Variants in LHX4 observed in about 807,000 individuals in gnomAD.
The protein encoded by LHX4 is LIM homeobox 4.
A neutral mutation model predicts 39.2 loss-of-function variants in LHX4; 16 were observed. The ratio of observed to expected loss-of-function variants is 0.41; its 90% CI spans 0.28 to 0.62. LHX4 has a LOEUF of 0.62. LHX4 is among the 20% of genes least tolerant of loss of function. LHX4 has a pLI of 0.33. For missense variants in LHX4, 439 were observed against 511.9 expected, an observed-to-expected ratio of 0.86 and a Z score of 1.37; for synonymous variants, 206 against 198.1, an observed-to-expected ratio of 1.04 and a Z score of -0.33.
At chr1:180,260,864 C>A (rs116971488) in intron 2 of LHX4, among the ~76,000 whole-genome samples, 1 of 151,940 alleles carries the variant, frequency 6.6e-6, no homozygotes, top group East Asian at 1.9e-4. Flanking sequence ...GTCAGAAGCA[C>A]CGACTGCAAA....
intron 2 of LHX4, among the ~76,000 whole-genome samples, chr1:180,256,721 CA>C (rs1395475189): frequency 6.6e-6 from 1 of 152,178 alleles, no homozygotes; most frequent in Non-Finnish European, 1.5e-5. Flanking sequence ...AAGTGGGAGT[CA>C]GGGGTGGCTT....
At chr1:180,249,111 C>G (rs867918656) in intron 2 of LHX4, among the ~76,000 whole-genome samples, 2 of 152,346 alleles carry the variant, frequency 1.3e-5, no homozygotes, top group Middle Eastern at 6.8e-3. Flanking sequence ...TTCTCTATGC[C>G]TCAGTTTGTT....
chr1:180,247,252 G>A (rs1387256921), intron 1 of LHX4, among the ~76,000 whole-genome samples: 1 of 152,200 alleles, frequency 6.6e-6, no homozygotes, highest in East Asian at 1.9e-4. Context: ...CAGATAGGAA[G>A]TCACCCAGGA....
At chr1:180,242,009 G>T (rs1187602829) in intron 1 of LHX4, among the ~76,000 whole-genome samples, 3 of 151,802 alleles carry the variant, frequency 2.0e-5, no homozygotes, top group Non-Finnish European at 4.4e-5. Flanking sequence ...TAGAGACAGG[G>T]TCTCACTATG....
In LHX4 at chr1:180,234,811, C is replaced by T. The variant is rs1266468534; in HGVS notation, c.76+4206C>T. On this transcript the variant is annotated intron_variant, in intron 1 of 5. Coordinates refer to ENST00000263726, the MANE Select transcript of LHX4 (RefSeq NM_033343.4). The surrounding 1 kb of genome is among the most constrained non-coding windows in gnomAD (Gnocchi z 4.8). ...GGGCTCGTGGAAAACCAGAGCTAGG[C>T]GGGGCTACGCAGGGCTGAGCAGGAG... Among the ~76,000 whole-genome samples, 1 of 152,192 alleles carries T rather than the reference C, an allele frequency of 6.6e-6. No individual in the cohort carries two copies. The highest frequency in any genetic ancestry group is 6.5e-5 in the Admixed American group (1 of 15,284).
At chr1:180,231,477 T>A (rs1172237908) in intron 1 of LHX4, among the ~76,000 whole-genome samples, 2 of 149,464 alleles carry the variant, frequency 1.3e-5, no homozygotes, top group African/African-American at 4.9e-5. Context: ...CCGAAGGGAA[T>A]CCGTCTCTGT....
intron 5 of LHX4, chr1:180,273,136 T>G (rs1254417801): frequency 6.6e-6 from 1 of 152,078 alleles, no homozygotes; most frequent in East Asian, 1.9e-4. Flanking sequence ...GAGGCCTTAT[T>G]TAGGGATTGG....
chr1:180,240,379 C>G (rs186035440), intron 1 of LHX4, among the ~76,000 whole-genome samples: 11 of 152,248 alleles, frequency 7.2e-5, no homozygotes, highest in Admixed American at 3.9e-4. Flanking sequence ...TTAAGTAGCA[C>G]ATCAGCATTA....
chr1:180,251,355 C>T (rs1647621205), intron 2 of LHX4, among the ~76,000 whole-genome samples: 1 of 152,228 alleles, frequency 6.6e-6, no homozygotes, highest in African/African-American at 2.4e-5. Flanking sequence ...GCCCACCCTC[C>T]AGGGCTTCCA....
chr1:180,259,267 C>G (rs1647999209), intron 2 of LHX4, among the ~76,000 whole-genome samples: 1 of 151,964 alleles, frequency 6.6e-6, no homozygotes, highest in South Asian at 2.1e-4. Flanking sequence ...TAGGGCACTG[C>G]CTTGAAGGGT....
upstream of LHX4, among the ~76,000 whole-genome samples, chr1:180,228,959 G>A (rs1227857385): frequency 2.0e-5 from 3 of 152,218 alleles, no homozygotes; most frequent in South Asian, 6.2e-4. Flanking sequence ...GCTGGGGGCA[G>A]GAGAGCGGCT....
In LHX4 at chr1:180,274,179, CCA is replaced by C. The variant is rs775729994; in HGVS notation, c.779-3_779-2del. On this transcript the variant is annotated splice_region_variant and splice_polypyrimidine_tract_variant and intron_variant, in intron 5 of 5. Transcript: ENST00000263726. ...TGACAATAAATCTCCGTTCTTTTGT[CCA>C]CAGAGGATCAAATTCTCTCAGAACT... 1.9e-6 allele frequency: 3 copies of C among 1,614,174 alleles called. No homozygotes were observed. The highest frequency in any genetic ancestry group is 1.7e-5 in the Admixed American group (1 of 60,026).
At position 180,276,197 on chromosome 1, in the gene LHX4, A is replaced by C. The variant is rs1649016568; in HGVS notation, c.*1618A>C. 6.6e-6 allele frequency: 1 copy of C among 152,216 alleles called. No individual in the cohort carries two copies. Among genetic ancestry groups the C allele is most frequent in the Non-Finnish European group, 1.5e-5 (1 of 68,044 alleles). The allele number at this position is 152,216 out of a possible 1,614,324, so 9.4% of individuals were successfully genotyped here. A position where few individuals can be genotyped will look rare whatever the true frequency, so the allele number is the denominator to read the frequency against. On this transcript the variant is annotated 3_prime_UTR_variant, in exon 6 of 6. Coordinates refer to ENST00000263726, the MANE Select transcript of LHX4 (RefSeq NM_033343.4). ...TGAAGTGATGGGGCCAGAGACCCTA[A>C]GGACCCTTCCTTCTACGAATGGTTG... is the stretch of plus-strand genomic sequence containing the variant.
intron 1 of LHX4, among the ~76,000 whole-genome samples, chr1:180,245,778 CAG>C (rs1006493610): frequency 6.7e-6 from 1 of 149,642 alleles, no homozygotes; most frequent in African/African-American, 2.5e-5. Flanking sequence ...GAAACTGAGG[CAG>C]AGAGAGGCTA....
chr1:180,230,435 G>A lies in LHX4; in HGVS notation c.-95G>A. 1 of 1,093,160 alleles carries A rather than the reference G, an allele frequency of 9.1e-7. No homozygotes were observed. Among genetic ancestry groups the A allele is most frequent in the Non-Finnish European group, 1.4e-6 (1 of 731,632 alleles). The allele number at this position is 1,093,160 out of a possible 1,614,324, so 67.7% of individuals were successfully genotyped here. A position where few individuals can be genotyped will look rare whatever the true frequency, so the allele number is the denominator to read the frequency against. ...CCACCGTGACTCCAGCGGCCTGCTT[G>A]GGGTTTTAATTATTATTTTGAAATT... On this transcript the variant is annotated 5_prime_UTR_variant, in exon 1 of 6. Transcript: ENST00000263726. This position sits in a 1 kb window ranked among gnomAD's most constrained non-coding sequence, Gnocchi z 5.8.
At chr1:180,271,583 A>G in intron 4 of LHX4, 49 bp downstream of exon 4, 1 of 1,604,172 alleles carries the variant, frequency 6.2e-7, no homozygotes, top group Non-Finnish European at 8.5e-7. Flanking sequence ...GGCCCGGGAC[A>G]GGGGTGGAAG....
chr1:180,272,396 C>G (rs1648728044), intron 5 of LHX4, among the ~76,000 whole-genome samples: 1 of 152,176 alleles, frequency 6.6e-6, no homozygotes, highest in Non-Finnish European at 1.5e-5. Context: ...CTCCCATAGT[C>G]CCCTAGAGCC....
chr1:180,264,412 C>CACACACACACACA, intron 2 of LHX4, among the ~76,000 whole-genome samples: 1 of 144,166 alleles, frequency 6.9e-6, no homozygotes, highest in Non-Finnish European at 1.5e-5. Context: ...CACACACACA[C>CACACACACACACA]AGTAGAGGTG....
At chr1:180,262,800 G>GTTCA (rs1230657071) in intron 2 of LHX4, among the ~76,000 whole-genome samples, 22 of 152,104 alleles carry the variant, frequency 1.4e-4, no homozygotes, top group East Asian at 1.3e-3. Flanking sequence ...TTGCTCATTC[G>GTTCA]TTCATTCATT....
Sources: allele counts gnomAD v4.1 joint callset (sites outside exome capture counted in the v4.1 genomes callset), GRCh38; gene constraint gnomAD v4.1.1; non-coding constraint Gnocchi (gnomAD v3.1); transcripts MANE v1.5; gene names NCBI Gene and HGNC (gene_info 2026-07-23, HGNC 2026-07-21).